Variants in IFT80 observed in about 807,000 individuals in gnomAD.
IFT80 encodes intraflagellar transport 80, also known as intraflagellar transport protein 80 homolog.
Under a neutral mutation model 107.9 loss-of-function variants are expected in IFT80, and 79 were observed. The observed-to-expected ratio is 0.73, with a 90% CI of 0.61 to 0.88. The LOEUF (loss-of-function observed/expected upper bound fraction) is 0.88, where lower values mean the gene tolerates loss of function less well. Among genes scored for constraint, IFT80 ranks in the 40% least tolerant of loss-of-function variants. The probability of loss-of-function intolerance (pLI) is 0.00; values close to 1 mark genes in which losing one functional copy is unlikely to be tolerated. For missense variants in IFT80, 797 were observed against 914.2 expected (o/e 0.87, Z 1.65); for synonymous variants, 299 against 300.9 (o/e 0.99, Z 0.07).
chr3:160,263,483 A>C (rs1268366151), intron 19 of IFT80, among the ~76,000 whole-genome samples: 1 of 152,104 alleles, frequency 6.6e-6, no homozygotes, highest in Admixed American at 6.5e-5. Flanking sequence ...GACTTTTCCC[A>C]ACCAGTATTC....
At chr3:160,390,011 A>G (rs946002022) in intron 1 of IFT80, among the ~76,000 whole-genome samples, 1 of 152,198 alleles carries the variant, frequency 6.6e-6, no homozygotes, top group Non-Finnish European at 1.5e-5. Flanking sequence ...AGGAGATTTT[A>G]GACAGGAAGG....
At chr3:160,377,354 A>C in intron 4 of IFT80, 76 bp downstream of exon 4, 1 of 854,790 alleles carries the variant, frequency 1.2e-6, no homozygotes, top group Non-Finnish European at 2.0e-6. Flanking sequence ...ACTATTGCTA[A>C]ATGAAAATAT....
intron 3 of IFT80, among the ~76,000 whole-genome samples, chr3:160,379,886 T>C (rs1160084416): frequency 6.6e-6 from 1 of 152,110 alleles, no homozygotes; most frequent in Non-Finnish European, 1.5e-5. Flanking sequence ...CACAAGTCTC[T>C]CGGTAAATAA....
chr3:160,390,441 AGAAAAGCAGTTTCCTTAG>A (rs1360968283), intron 1 of IFT80, among the ~76,000 whole-genome samples: 1 of 152,082 alleles, frequency 6.6e-6, no homozygotes, highest in Non-Finnish European at 1.5e-5. Context: ...GAAAAAGAAA[AGAAAAGCAGTTTCCTTAG>A]GAAACAACCA....
chr3:160,380,669 T>C (rs1712409915), intron 3 of IFT80, among the ~76,000 whole-genome samples: 1 of 151,940 alleles, frequency 6.6e-6, no homozygotes, highest in Admixed American at 6.6e-5. Flanking sequence ...TTCACGTATT[T>C]CTAAGAAAAC....
At position 160,380,125 on chromosome 3, in the gene IFT80, C is replaced by G. The variant is rs189636357; in HGVS notation, c.259+1378G>C. On this transcript the variant is annotated intron_variant, in intron 3 of 19. Transcript: ENST00000326448. ...TCAGCTCACTGAAACCTCTGCATTCCAGGTTCAAGCAATTCTCCTATCTCA... is the reference window on the plus strand; with the variant it reads ...TCAGCTCACTGAAACCTCTGCATTCGAGGTTCAAGCAATTCTCCTATCTCA... Among the ~76,000 whole-genome samples, 6 of 151,584 alleles carry G rather than the reference C, an allele frequency of 4.0e-5. No individual in the cohort carries two copies. In the East Asian group the frequency reaches 1.2e-3, roughly 29 times the overall value.
rs968428120 is a variant in IFT80 at position 160,357,480 on chromosome 3, A to T, written c.639+9T>A. 2.2e-6 allele frequency: 3 copies of T among 1,355,548 alleles called. No homozygotes were observed. Among genetic ancestry groups the T allele is most frequent in the Non-Finnish European group, 1.1e-6 (1 of 947,916 alleles). The allele number at this position is 1,355,548 out of a possible 1,614,324, so 84.0% of individuals were successfully genotyped here. ...TTTCAGCCAAGTGATAAATCTAAAC[A>T]TTATATACCTTATATTTACAGTCTT... On this transcript the variant is annotated intron_variant, in intron 7 of 19. Coordinates refer to ENST00000326448, the MANE Select transcript of IFT80 (RefSeq NM_020800.3).
chr3:160,293,030 G>A (rs1046374605), intron 12 of IFT80, among the ~76,000 whole-genome samples: 2 of 152,116 alleles, frequency 1.3e-5, no homozygotes, highest in Non-Finnish European at 2.9e-5. Flanking sequence ...GGCTGGTAGC[G>A]GAAATAGCCT....
rs1712463521 is a variant in IFT80 at position 160,257,582 on chromosome 3, A to G, written c.*943T>C. 6.6e-6 allele frequency: 1 copy of G among 152,158 alleles called. No individual in the cohort carries two copies. Among genetic ancestry groups the G allele is most frequent in the African/African-American group, 2.4e-5 (1 of 41,418 alleles). The allele number at this position is 152,158 out of a possible 1,614,324, so 9.4% of individuals were successfully genotyped here. On this transcript the variant is annotated 3_prime_UTR_variant, in exon 20 of 20. Transcript: ENST00000326448. ...AATCCTTCTTGCCCATTCTAGATAT[A>G]TTTTTTAAATTATGATAAAATATAC...
At chr3:160,307,192 G>A (rs1004836032) in intron 10 of IFT80, among the ~76,000 whole-genome samples, 4 of 152,140 alleles carry the variant, frequency 2.6e-5, no homozygotes, top group Non-Finnish European at 5.9e-5. Context: ...CTGTTGTTCA[G>A]ACTGGAGTGT....
At chr3:160,350,170 T>G (rs893282370) in intron 8 of IFT80, among the ~76,000 whole-genome samples, 3 of 151,932 alleles carry the variant, frequency 2.0e-5, no homozygotes, top group Non-Finnish European at 2.9e-5. Context: ...ATCCTAGCAC[T>G]TTGGGAGGCC....
At chr3:160,327,710 T>C (rs1363206369) in intron 8 of IFT80, among the ~76,000 whole-genome samples, 1 of 152,050 alleles carries the variant, frequency 6.6e-6, no homozygotes, top group Admixed American at 6.6e-5. Context: ...TAAAGACAAA[T>C]GTAAAACACA....
chr3:160,379,565 C>T (rs1712305045), intron 3 of IFT80, among the ~76,000 whole-genome samples: 1 of 151,800 alleles, frequency 6.6e-6, no homozygotes, highest in Non-Finnish European at 1.5e-5. Flanking sequence ...GTGCTGGGGG[C>T]GAGGAGGGTT....
intron 16 of IFT80, among the ~76,000 whole-genome samples, chr3:160,278,520 C>G (rs1198977631): frequency 6.6e-6 from 1 of 152,154 alleles, no homozygotes; most frequent in Non-Finnish European, 1.5e-5. Flanking sequence ...ATTCCTCTCT[C>G]TGGCAAGGAG....
chr3:160,264,900 T>C lies in IFT80; in HGVS notation c.2223+3513A>G, dbSNP rs545233746. On this transcript the variant is annotated intron_variant, in intron 19 of 19. Transcript: ENST00000326448. ...CCTGGAACATGTTATTCTCATCTCCTACCCAACCTCTACCCTGCAGTGAGC... is the reference window on the plus strand; with the variant it reads ...CCTGGAACATGTTATTCTCATCTCCCACCCAACCTCTACCCTGCAGTGAGC... Among the ~76,000 whole-genome samples the C allele has an allele frequency of 1.3e-4, 20 of 152,298 alleles. No individual in the cohort carries two copies. The South Asian group carries it at 3.5e-3, about 27-fold the overall frequency.
chr3:160,325,696 C>A (rs958654486), intron 8 of IFT80, among the ~76,000 whole-genome samples: 1 of 152,084 alleles, frequency 6.6e-6, no homozygotes, highest in Non-Finnish European at 1.5e-5. Context: ...AGACCCAAAT[C>A]TAAACACGAA....
In IFT80 at chr3:160,301,049, A is replaced by G; in HGVS notation, c.1152-3T>C. ...TACCATCTACAAGAAGAAAATGTCT[A>G]AAAAATAAAGAATAGAAATAGATTC... On this transcript the variant is annotated splice_polypyrimidine_tract_variant and splice_region_variant and intron_variant, in intron 11 of 19. Transcript: ENST00000326448. 5 of 1,566,676 alleles carry G rather than the reference A, an allele frequency of 3.2e-6. No homozygotes were observed. The highest frequency in any genetic ancestry group is 4.4e-6 in the Non-Finnish European group (5 of 1,143,354).
At chr3:160,300,044 C>T (rs1322618780) in intron 12 of IFT80, among the ~76,000 whole-genome samples, 1 of 152,128 alleles carries the variant, frequency 6.6e-6, no homozygotes. Flanking sequence ...GGCCTTCTGG[C>T]AGTTCCTTTA....
intron 4 of IFT80, among the ~76,000 whole-genome samples, chr3:160,377,211 A>C (rs1205375334): frequency 2.6e-5 from 4 of 152,216 alleles, no homozygotes; most frequent in African/African-American, 9.6e-5. Context: ...GACCATTCCA[A>C]AAGCCTTCTT....
Sources: allele counts gnomAD v4.1 joint callset (sites outside exome capture counted in the v4.1 genomes callset), GRCh38; gene constraint gnomAD v4.1.1; transcripts MANE v1.5; gene names NCBI Gene and HGNC (gene_info 2026-07-23, HGNC 2026-07-21).